OR9Q1: variants seen among roughly 807,000 people sequenced by gnomAD.
The protein encoded by OR9Q1 is olfactory receptor family 9 subfamily Q member 1, also known as olfactory receptor 9Q1.
For missense variants in OR9Q1, 374 were observed against 378.8 expected (o/e 0.99, Z 0.11); for synonymous variants, 153 against 148.6 (o/e 1.03, Z -0.22).
At chr11:58,046,934 A>G (rs1461684943) in intron 1 of OR9Q1, among the ~76,000 whole-genome samples, 1 of 152,160 alleles carries the variant, frequency 6.6e-6, no homozygotes, top group East Asian at 1.9e-4. Context: ...GAAAGGACTA[A>G]TGGGATTCCA....
At chr11:58,149,511 G>A (rs1262195006) in intron 2 of OR9Q1, among the ~76,000 whole-genome samples, 1 of 152,082 alleles carries the variant, frequency 6.6e-6, no homozygotes, top group African/African-American at 2.4e-5. Flanking sequence ...TACACAGTTT[G>A]GTGGCATTAA....
intron 2 of OR9Q1, chr11:58,119,241 C>A: frequency 6.2e-7 from 1 of 1,613,876 alleles, no homozygotes; most frequent in Admixed American, 1.7e-5. Flanking sequence ...AGGCATCCAG[C>A]AGGGAGAGGT....
intron 2 of OR9Q1, chr11:58,073,229 A>G: frequency 8.8e-6 from 2 of 226,240 alleles, no homozygotes; most frequent in Non-Finnish European, 2.0e-5. Flanking sequence ...TCTCATTTTG[A>G]CAGTGTATGA....
rs561706437 is a variant in OR9Q1 at position 58,038,668 on chromosome 11, T to C, written c.-93+14564T>C. On this transcript the variant is annotated intron_variant, in intron 1 of 2. Transcript: ENST00000335397. Reference sequence around the variant, plus strand: ...GGTGAGAATGACTGGATCTACACTTTGAAATCAGAACCCTACAGTTTTCTG... The same window carrying C: ...GGTGAGAATGACTGGATCTACACTTCGAAATCAGAACCCTACAGTTTTCTG... Among the ~76,000 whole-genome samples, 47 of 152,346 alleles carry C rather than the reference T, an allele frequency of 3.1e-4. 1 individual carries two copies. Among genetic ancestry groups the C allele is most frequent in the African/African-American group, 9.9e-4 (41 of 41,578 alleles).
intron 1 of OR9Q1, among the ~76,000 whole-genome samples, chr11:58,042,539 G>T (rs1359118356): frequency 6.6e-6 from 1 of 150,926 alleles, no homozygotes; most frequent in Non-Finnish European, 1.5e-5. Flanking sequence ...TGCTGTTTTG[G>T]TGACTGTAGC....
chr11:58,045,917 C>T (rs936519961), intron 1 of OR9Q1, among the ~76,000 whole-genome samples: 34 of 152,310 alleles, frequency 2.2e-4, no homozygotes, highest in African/African-American at 7.9e-4. Context: ...GGGCATTTAG[C>T]AGCAACCTTG....
chr11:58,055,368 T>C (rs1047827313), intron 1 of OR9Q1, among the ~76,000 whole-genome samples: 2 of 152,156 alleles, frequency 1.3e-5, no homozygotes, highest in African/African-American at 4.8e-5. Flanking sequence ...AGTTTGAAGA[T>C]CTTTGCTATG....
At chr11:58,148,864 C>T (rs889710016) in intron 2 of OR9Q1, among the ~76,000 whole-genome samples, 5 of 152,128 alleles carry the variant, frequency 3.3e-5, no homozygotes, top group African/African-American at 2.4e-5. Context: ...AGCGGATCTG[C>T]GAAGTTGCTT....
At chr11:58,122,663 A>G (rs1854046090) in intron 2 of OR9Q1, among the ~76,000 whole-genome samples, 1 of 152,160 alleles carries the variant, frequency 6.6e-6, no homozygotes, top group African/African-American at 2.4e-5. Flanking sequence ...AGTTCCTGAT[A>G]AACCATCATC....
intron 1 of OR9Q1, chr11:58,031,026 C>G (rs1253564965): frequency 6.2e-7 from 1 of 1,614,132 alleles, no homozygotes; most frequent in Admixed American, 1.7e-5. Context: ...ATCCATGAAG[C>G]ACACCTCCTC....
At chr11:58,094,171 T>A (rs1853709842) in intron 2 of OR9Q1, among the ~76,000 whole-genome samples, 1 of 152,204 alleles carries the variant, frequency 6.6e-6, no homozygotes, top group African/African-American at 2.4e-5. Flanking sequence ...GCCATTATCT[T>A]AAACTAAGCA....
intron 2 of OR9Q1, among the ~76,000 whole-genome samples, chr11:58,106,932 C>T (rs897451102): frequency 2.0e-5 from 3 of 152,098 alleles, no homozygotes; most frequent in African/African-American, 7.2e-5. Context: ...CTGGCTTATT[C>T]TTCTTTATCA....
chr11:58,093,324 A>G (rs1404391316), intron 2 of OR9Q1, among the ~76,000 whole-genome samples: 2 of 152,228 alleles, frequency 1.3e-5, no homozygotes, highest in African/African-American at 4.8e-5. Flanking sequence ...AACAACAACA[A>G]AAATACCAAA....
intron 2 of OR9Q1, among the ~76,000 whole-genome samples, chr11:58,175,598 T>C (rs564038872): frequency 2.6e-4 from 40 of 152,164 alleles, no homozygotes; most frequent in Admixed American, 8.5e-4. Context: ...AGGAGTTTAG[T>C]ACTTGTTATC....
intron 2 of OR9Q1, among the ~76,000 whole-genome samples, chr11:58,170,609 G>A (rs778368975): frequency 2.0e-5 from 3 of 152,126 alleles, no homozygotes; most frequent in Non-Finnish European, 4.4e-5. Context: ...TGTTATAGGA[G>A]GGACCCAGTG....
chr11:58,043,220 G>GTA (rs1319112012), intron 1 of OR9Q1, among the ~76,000 whole-genome samples: 2 of 152,080 alleles, frequency 1.3e-5, no homozygotes, highest in African/African-American at 2.4e-5. Flanking sequence ...TCAGCACCTG[G>GTA]TGGTTCCTTC....
chr11:58,128,507 G>A (rs192353266), intron 2 of OR9Q1, among the ~76,000 whole-genome samples: 102 of 152,170 alleles, frequency 6.7e-4, no homozygotes, highest in Middle Eastern at 3.4e-3. Context: ...GACTGGTTAC[G>A]TATTTGAGAA....
rs1565062055 is a variant in OR9Q1 at position 58,053,613 on chromosome 11, AT to A, written c.-92-2256del. On this transcript the variant is annotated intron_variant, in intron 1 of 2. Transcript: ENST00000335397. ...TAAAGTATAATAATAAAATTAAAAA[AT>A]ATATATATATATAAAATATATATAT... 3.5e-3 allele frequency among the ~76,000 whole-genome samples: 217 copies of A among 61,896 alleles called. 1 individual carries two copies. Among genetic ancestry groups the A allele is most frequent in the African/African-American group, 0.01 (200 of 19,218 alleles). The allele number at this position is 61,896 out of a possible 152,430, so 40.6% of individuals were successfully genotyped here. A position where few individuals can be genotyped will look rare whatever the true frequency, so the allele number is the denominator to read the frequency against.
At chr11:58,140,584 G>A (rs1377406536) in intron 2 of OR9Q1, among the ~76,000 whole-genome samples, 6 of 152,092 alleles carry the variant, frequency 3.9e-5, no homozygotes, top group South Asian at 2.1e-4. Flanking sequence ...TTTGTCAAAG[G>A]TCAGATAGTT....
Sources: gnomAD v4.1 joint callset for allele counts (sites outside exome capture counted in the v4.1 genomes callset) on GRCh38, gnomAD v4.1.1 for gene constraint, MANE v1.5 for transcripts, NCBI Gene and HGNC (gene_info 2026-07-23, HGNC 2026-07-21) for gene names.